TFPI: variants seen among roughly 807,000 people sequenced by gnomAD.
The protein encoded by TFPI is anti-convertin.
TFPI carries 15 observed loss-of-function variants against 34.6 expected under a neutral mutation model. That is an observed-to-expected ratio of 0.43 (90% CI 0.29 to 0.67). The LOEUF (loss-of-function observed/expected upper bound fraction) is 0.67. Ranked by LOEUF, TFPI falls within the 30% of genes least tolerant of loss-of-function variation. TFPI has a pLI of 0.15. For synonymous variants in TFPI, 105 were observed against 120.1 expected, an observed-to-expected ratio of 0.87 and a Z score of 0.82; for missense variants, 301 against 364.0, an observed-to-expected ratio of 0.83 and a Z score of 1.41.
chr2:187,468,368 T>C (rs534325994), intron 6 of TFPI, among the ~76,000 whole-genome samples: 2 of 152,224 alleles, frequency 1.3e-5, no homozygotes, highest in East Asian at 3.9e-4. Context: ...GCAAAGTTTT[T>C]ATTTGTGATG....
intron 1 of TFPI, among the ~76,000 whole-genome samples, chr2:187,553,968 A>C (rs1689183276): frequency 6.6e-6 from 1 of 152,216 alleles, no homozygotes; most frequent in African/African-American, 2.4e-5. Flanking sequence ...TTAAAATCAT[A>C]AAAATTGCAC....
intron 1 of TFPI, among the ~76,000 whole-genome samples, chr2:187,548,221 T>C (rs1688966416): frequency 6.6e-6 from 1 of 152,080 alleles, no homozygotes; most frequent in Non-Finnish European, 1.5e-5. Context: ...CTTTCAAAAA[T>C]ATAAAGTCTT....
At chr2:187,545,276 A>G (rs1054517541) in intron 1 of TFPI, among the ~76,000 whole-genome samples, 1 of 152,158 alleles carries the variant, frequency 6.6e-6, no homozygotes, top group African/African-American at 2.4e-5. Flanking sequence ...AATCCCTTGG[A>G]GAGGAAATAG....
intron 1 of TFPI, among the ~76,000 whole-genome samples, chr2:187,545,933 G>A (rs1688834768): frequency 6.6e-6 from 1 of 152,064 alleles, no homozygotes. Context: ...AGGAATGTGA[G>A]TCCTGGAAGT....
intron 6 of TFPI, among the ~76,000 whole-genome samples, chr2:187,479,546 C>CATATATATATAT (rs35837997): frequency 4.7e-5 from 3 of 63,308 alleles, no homozygotes; most frequent in Non-Finnish European, 6.2e-5. Flanking sequence ...ATATCACGTT[C>CATATATATATAT]ATATATATAT....
chr2:187,546,099 A>G (rs558666718), intron 1 of TFPI, among the ~76,000 whole-genome samples: 1 of 152,222 alleles, frequency 6.6e-6, no homozygotes, highest in South Asian at 2.1e-4. Context: ...CACTACTAAG[A>G]ATACAACGAA....
chr2:187,490,359 T>TA (rs1420391806), intron 3 of TFPI, among the ~76,000 whole-genome samples: 3 of 151,738 alleles, frequency 2.0e-5, no homozygotes, highest in African/African-American at 7.2e-5. Context: ...CTGAACTGAA[T>TA]AATTGTATAC....
Position 187,512,270 on chromosome 2 carries a change from C to T in TFPI, c.-2-8500G>A, listed in dbSNP as rs534056679. ...GCACACCTTACCAGTTCAGAAGTAT[C>T]CTAAGTTAAAAAAAAAAAAAAAAAA... On this transcript the variant is annotated intron_variant, in intron 1 of 7. Coordinates refer to ENST00000233156, the MANE Select transcript of TFPI (RefSeq NM_006287.6). Among the ~76,000 whole-genome samples the T allele has an allele frequency of 4.4e-5, 6 of 136,682 alleles. No individual in the cohort carries two copies. The East Asian group carries it at 1.3e-3, about 29-fold the overall frequency. 89.7% of individuals were successfully genotyped at this position (136,682 alleles called of 152,430 possible).
intron 6 of TFPI, among the ~76,000 whole-genome samples, chr2:187,470,136 TA>T (rs1691949434): frequency 6.6e-6 from 1 of 152,312 alleles, no homozygotes; most frequent in East Asian, 1.9e-4. Context: ...ATGTGTATGA[TA>T]AAATGATATA....
At chr2:187,507,781 G>GT (rs1428802595) in intron 1 of TFPI, among the ~76,000 whole-genome samples, 2 of 152,020 alleles carry the variant, frequency 1.3e-5, no homozygotes, top group Non-Finnish European at 2.9e-5. Context: ...TCTGATGATT[G>GT]TTTCTTTTGC....
intron 1 of TFPI, among the ~76,000 whole-genome samples, chr2:187,506,763 C>T (rs1391416931): frequency 6.6e-6 from 1 of 151,956 alleles, no homozygotes; most frequent in Admixed American, 6.6e-5. Flanking sequence ...AGTTAAAGTG[C>T]CATTTTTGTC....
intron 1 of TFPI, chr2:187,516,159 T>A (rs1489446765): frequency 3.9e-5 from 6 of 152,238 alleles, no homozygotes; most frequent in African/African-American, 1.4e-4. Flanking sequence ...AGAAATGCTA[T>A]CTATCAAAAT....
chr2:187,474,998 T>C (rs1559097890), intron 6 of TFPI, among the ~76,000 whole-genome samples: 2 of 152,224 alleles, frequency 1.3e-5, no homozygotes, highest in Admixed American at 6.5e-5. Flanking sequence ...TAAAATGTTA[T>C]TGTGACTCTG....
chr2:187,465,678 A>AAGTT lies in TFPI; in HGVS notation c.*1257_*1258insAACT, dbSNP rs1691687637. On this transcript the variant is annotated 3_prime_UTR_variant, in exon 8 of 8. Coordinates refer to ENST00000233156, the MANE Select transcript of TFPI (RefSeq NM_006287.6). ...AATTTCAATCCTGAAGAACAGGCAGAATTATACTATCATTGTTAGCGAGAA... is the reference window on the plus strand; with the variant it reads ...AATTTCAATCCTGAAGAACAGGCAGAAGTTATTATACTATCATTGTTAGCGAGAA... 1 of 152,072 alleles carries AAGTT rather than the reference A, an allele frequency of 6.6e-6. No homozygotes were observed. Among genetic ancestry groups the AAGTT allele is most frequent in the Non-Finnish European group, 1.5e-5 (1 of 68,014 alleles). The allele number at this position is 152,072 out of a possible 1,614,324, so 9.4% of individuals were successfully genotyped here.
At chr2:187,524,268 C>T (rs9288142) in intron 1 of TFPI, among the ~76,000 whole-genome samples, 1 of 151,728 alleles carries the variant, frequency 6.6e-6, no homozygotes, top group African/African-American at 2.4e-5. Context: ...GTATATAACT[C>T]GGGGTAAAAT....
At chr2:187,475,145 C>T (rs1245594199) in intron 6 of TFPI, among the ~76,000 whole-genome samples, 3 of 152,116 alleles carry the variant, frequency 2.0e-5, no homozygotes, top group Admixed American at 6.6e-5. Context: ...TTCTCATACT[C>T]CCAGTACCTA....
At chr2:187,470,372 C>T (rs1245931454) in intron 6 of TFPI, among the ~76,000 whole-genome samples, 3 of 152,092 alleles carry the variant, frequency 2.0e-5, no homozygotes, top group Admixed American at 2.0e-4. Context: ...CACATACAAC[C>T]TATAGTAAAC....
chr2:187,514,789 T>A (rs1481936061), intron 1 of TFPI: 1 of 152,208 alleles, frequency 6.6e-6, no homozygotes, highest in Non-Finnish European at 1.5e-5. Flanking sequence ...GCCTTTCAAC[T>A]CTCACATCTA....
At chr2:187,489,672 T>C (rs1319091692) in intron 3 of TFPI, among the ~76,000 whole-genome samples, 1 of 151,556 alleles carries the variant, frequency 6.6e-6, no homozygotes, top group Non-Finnish European at 1.5e-5. Context: ...AATGCTTGAT[T>C]AATACAATTT....
Sources: allele counts gnomAD v4.1 joint callset (sites outside exome capture counted in the v4.1 genomes callset), GRCh38; gene constraint gnomAD v4.1.1; transcripts MANE v1.5; gene names NCBI Gene and HGNC (gene_info 2026-07-23, HGNC 2026-07-21).